KRABD3: variants seen among roughly 807,000 people sequenced by gnomAD.
The protein encoded by KRABD3 is KRAB domain containing 3.
At chr7:149,720,009 G>C in the KRABD3 span, 2 of 1,543,640 alleles carry the variant, frequency 1.3e-6, no homozygotes, top group Non-Finnish European at 1.7e-6. Context: ...CTTTCCCAGG[G>C]ACAGCTGAGC....
chr7:149,724,670 C>T, the KRABD3 span: 3 of 1,543,208 alleles, frequency 1.9e-6, no homozygotes, highest in Non-Finnish European at 2.6e-6. Flanking sequence ...TACCTCCTGA[C>T]CCCTCCTCCC....
At chr7:149,715,903 A>G in the KRABD3 span, among the ~76,000 whole-genome samples, 1 of 152,210 alleles carries the variant, frequency 6.6e-6, no homozygotes, top group Non-Finnish European at 1.5e-5. Context: ...AGACATGCCC[A>G]TGGCCCCATC....
the KRABD3 span, among the ~76,000 whole-genome samples, chr7:149,732,534 C>T: frequency 1.3e-5 from 2 of 152,160 alleles, no homozygotes; most frequent in African/African-American, 4.8e-5. The surrounding 1 kb of genome is among the most constrained non-coding windows in gnomAD (Gnocchi z 4.0). Context: ...TGGCAGGTGC[C>T]TGGCCAAGCC....
chr7:149,721,331 A>G, the KRABD3 span: 1 of 1,535,174 alleles, frequency 6.5e-7, no homozygotes, highest in Non-Finnish European at 8.7e-7. Flanking sequence ...ACAGTGTGAC[A>G]ATGTTAGGGG....
the KRABD3 span, chr7:149,723,823 A>T: frequency 6.2e-7 from 1 of 1,613,942 alleles, no homozygotes. Context: ...CAGGCATCCC[A>T]GTCCCTCAGG....
the KRABD3 span, chr7:149,724,621 C>T: frequency 2.0e-6 from 3 of 1,479,242 alleles, no homozygotes; most frequent in Non-Finnish European, 9.1e-7. Context: ...CAGGCCTGAA[C>T]CTTGGGCTTC....
chr7:149,734,237 G>A, the KRABD3 span: 25 of 708,830 alleles, frequency 3.5e-5, no homozygotes, highest in Admixed American at 6.2e-5. Context: ...CTGCTGTGGG[G>A]GTGCCTTCCT....
chr7:149,724,958 G>C, the KRABD3 span: 1 of 942,110 alleles, frequency 1.1e-6, no homozygotes, highest in Non-Finnish European at 1.5e-6. Flanking sequence ...GCCGCCCCCT[G>C]GCCTTTCTTC....
the KRABD3 span, chr7:149,733,125 C>T: frequency 1.4e-5 from 20 of 1,481,306 alleles, no homozygotes; most frequent in South Asian, 5.4e-5. Context: ...GAGTACTGAG[C>T]GCCCTTGGTT....
At chr7:149,730,720 T>C in the KRABD3 span, 25 of 1,027,740 alleles carry the variant, frequency 2.4e-5, no homozygotes, top group Non-Finnish European at 3.2e-5. Context: ...TAAGGTGAGC[T>C]GTGTCCGAGA....
the KRABD3 span, chr7:149,714,993 C>A: frequency 8.3e-7 from 1 of 1,206,948 alleles, no homozygotes; most frequent in Non-Finnish European, 1.0e-6. Flanking sequence ...ACGAGGGTCG[C>A]GTGCGCCCGC....
At chr7:149,718,512 A>G in the KRABD3 span, among the ~76,000 whole-genome samples, 1 of 99,778 alleles carries the variant, frequency 1.0e-5, no homozygotes, top group Admixed American at 9.8e-5. Flanking sequence ...CCACTGAAGG[A>G]CTTTTTTTTT....
At chr7:149,721,265 G>C in the KRABD3 span, 1 of 1,282,096 alleles carries the variant, frequency 7.8e-7, no homozygotes, top group African/African-American at 1.5e-5. Context: ...ACAACACATA[G>C]GTGGCTGACA....
the KRABD3 span, chr7:149,720,226 C>A: frequency 1.5e-6 from 2 of 1,315,654 alleles, no homozygotes; most frequent in Non-Finnish European, 2.1e-6. Flanking sequence ...CCTCTCACCT[C>A]CCTGCCTCCC....
the KRABD3 span, chr7:149,730,741 G>A: frequency 3.7e-6 from 3 of 817,632 alleles, no homozygotes; most frequent in African/African-American, 5.2e-5. Context: ...AGGAGGGCGG[G>A]GCTGCTGGGG....
chr7:149,720,087 T>C, the KRABD3 span: 3 of 1,552,808 alleles, frequency 1.9e-6, no homozygotes, highest in Non-Finnish European at 2.6e-6. Context: ...GGAGCCACGC[T>C]GATGAGGGGC....
chr7:149,721,249 G>A, the KRABD3 span: 2 of 1,182,756 alleles, frequency 1.7e-6, no homozygotes, highest in Non-Finnish European at 2.3e-6. Context: ...TCAGAGCCCA[G>A]TGATGACAAC....
the KRABD3 span, chr7:149,725,433 A>G: frequency 6.2e-7 from 1 of 1,612,454 alleles, no homozygotes; most frequent in Admixed American, 1.7e-5. Context: ...ACCCCCAGCC[A>G]GGAGACTCTA....
At chr7:149,729,493 A>G in the KRABD3 span, 2 of 1,264,818 alleles carry the variant, frequency 1.6e-6, no homozygotes, top group South Asian at 3.3e-5. Context: ...CCCAGAGGAC[A>G]GAAGCTGGTG....
Sources: allele counts gnomAD v4.1 joint callset (sites outside exome capture counted in the v4.1 genomes callset), GRCh38; gene constraint gnomAD v4.1.1; non-coding constraint Gnocchi (gnomAD v3.1); transcripts MANE v1.5; gene names NCBI Gene and HGNC (gene_info 2026-07-23, HGNC 2026-07-21).